The following SLC15A5 variants were observed in gnomAD, a reference collection of about 807,000 sequenced individuals.
SLC15A5 encodes Peptide/histidine transporter ENSP00000340402.
A neutral mutation model predicts 56.1 loss-of-function variants in SLC15A5; 58 were observed. That is an observed-to-expected ratio of 1.03 (90% CI 0.84 to 1.29). SLC15A5 has a LOEUF of 1.29. Ranked by LOEUF, SLC15A5 falls within the 50% of genes most tolerant of loss-of-function variation. The pLI, the probability that SLC15A5 is intolerant of heterozygous loss-of-function variation, is 0.00. For synonymous variants in SLC15A5, 264 were observed against 250.5 expected (o/e 1.05, Z -0.51); for missense variants, 681 against 672.1 (o/e 1.01, Z -0.15).
chr12:16,216,014 A>G (rs1274148528), intron 7 of SLC15A5, among the ~76,000 whole-genome samples: 2 of 152,126 alleles, frequency 1.3e-5, no homozygotes, highest in Non-Finnish European at 2.9e-5. Context: ...ATAGAAGTTG[A>G]TTTTTTTCCA....
intron 7 of SLC15A5, among the ~76,000 whole-genome samples, chr12:16,200,082 C>T (rs1463089936): frequency 6.6e-6 from 1 of 151,596 alleles, no homozygotes; most frequent in Non-Finnish European, 1.5e-5. Flanking sequence ...CATGAGTAAA[C>T]AGAAAAAGGG....
intron 5 of SLC15A5, among the ~76,000 whole-genome samples, chr12:16,231,933 G>A (rs928107380): frequency 6.6e-6 from 1 of 152,194 alleles, no homozygotes; most frequent in African/African-American, 2.4e-5. Context: ...TAGCTGGGGG[G>A]AGATTCTCAT....
chr12:16,193,844 A>AGG, intron 8 of SLC15A5, among the ~76,000 whole-genome samples: 1 of 120,310 alleles, frequency 8.3e-6, no homozygotes, highest in Non-Finnish European at 1.7e-5. Context: ...AGAGAGAGAG[A>AGG]GGCTGGCAAT....
In SLC15A5 at chr12:16,235,298, A is replaced by G. The variant is rs1033389193; in HGVS notation, c.1162+4383T>C. Among the ~76,000 whole-genome samples, 60 of 148,594 alleles carry G rather than the reference A, an allele frequency of 4.0e-4. No individual in the cohort carries two copies. Among genetic ancestry groups the G allele is most frequent in the African/African-American group, 1.4e-3 (59 of 40,760 alleles). ...TATATATATGTATATATGTATATGT[A>G]TATGTATATATATGTATATATGTAT... On this transcript the variant is annotated intron_variant, in intron 5 of 8. Coordinates refer to ENST00000344941, the MANE Select transcript of SLC15A5 (RefSeq NM_001170798.1). The surrounding 1 kb of genome is among the most constrained non-coding windows in gnomAD (Gnocchi z 4.1).
rs188463159 is a variant in SLC15A5, at chr12:16,265,148, C to T, written c.585-7278G>A. Among the ~76,000 whole-genome samples, 38 of 152,248 alleles carry T rather than the reference C, an allele frequency of 2.5e-4. No individual in the cohort carries two copies. In the South Asian group the frequency reaches 6.8e-3, roughly 27 times the overall value. On this transcript the variant is annotated intron_variant, in intron 2 of 8. Coordinates refer to ENST00000344941, the MANE Select transcript of SLC15A5 (RefSeq NM_001170798.1). ...ATTATTGTGTCAGCTTCATGAATTG[C>T]AGATGCGGCAAGGTAGGGAGAAAAT... is the stretch of plus-strand genomic sequence containing the variant.
chr12:16,242,493 T>C (rs1864422890), intron 4 of SLC15A5, among the ~76,000 whole-genome samples: 1 of 152,196 alleles, frequency 6.6e-6, no homozygotes, highest in African/African-American at 2.4e-5. Flanking sequence ...TGCAACTTAG[T>C]TTCTGAGCCT....
At chr12:16,215,202 C>CAAAA (rs33944569) in intron 7 of SLC15A5, among the ~76,000 whole-genome samples, 2 of 12,030 alleles carry the variant, frequency 1.7e-4, no homozygotes, top group Admixed American at 1.5e-3. Context: ...GACTCTTTCT[C>CAAAA]AAAAAAAAAA....
chr12:16,272,442 A>G, intron 2 of SLC15A5, 119 bp downstream of exon 2: 1 of 907,026 alleles, frequency 1.1e-6, no homozygotes, highest in Non-Finnish European at 1.7e-6. Context: ...CAGATTCATC[A>G]CATCATCACT....
At chr12:16,218,140 T>C (rs530176781) in intron 6 of SLC15A5, among the ~76,000 whole-genome samples, 1 of 152,088 alleles carries the variant, frequency 6.6e-6, no homozygotes, top group South Asian at 2.1e-4. Flanking sequence ...ATGAAACAAG[T>C]TTTGGCTATG....
chr12:16,223,464 C>G (rs2417549), intron 6 of SLC15A5, among the ~76,000 whole-genome samples: 2 of 151,922 alleles, frequency 1.3e-5, no homozygotes, highest in Non-Finnish European at 2.9e-5. Flanking sequence ...TTGCAAGAAG[C>G]CACTGAAATA....
Position 16,239,876 on chromosome 12 carries a change from G to T in SLC15A5, c.976-9C>A. The T allele has an allele frequency of 6.5e-7, 1 of 1,534,768 alleles. No individual in the cohort carries two copies. Among genetic ancestry groups the T allele is most frequent in the African/African-American group, 1.4e-5 (1 of 73,084 alleles). On this transcript the variant is annotated splice_polypyrimidine_tract_variant and intron_variant, in intron 4 of 8. Coordinates refer to ENST00000344941, the MANE Select transcript of SLC15A5 (RefSeq NM_001170798.1). ...TAATATCCTGAAGGAATCTGTATTC[G>T]AGAGGGAAACATCCATGCATTAAGA...
intron 1 of SLC15A5, among the ~76,000 whole-genome samples, chr12:16,275,621 G>A (rs1003575502): frequency 6.6e-6 from 1 of 151,952 alleles, no homozygotes; most frequent in African/African-American, 2.4e-5. Context: ...TATAACCTCT[G>A]AAATTTAGTG....
Position 16,235,547 on chromosome 12 carries a change from G to A in SLC15A5, c.1162+4134C>T, listed in dbSNP as rs1434373929. ...CTCACCTCTGATTTAATTCCAACTTGATGTTACATTTAAGAATTGAGAATA... is the reference window on the plus strand; with the variant it reads ...CTCACCTCTGATTTAATTCCAACTTAATGTTACATTTAAGAATTGAGAATA... On this transcript the variant is annotated intron_variant, in intron 5 of 8. Transcript: ENST00000344941. This position sits in a 1 kb window ranked among gnomAD's most constrained non-coding sequence, Gnocchi z 4.1. Among the ~76,000 whole-genome samples, 1 of 151,902 alleles carries A rather than the reference G, an allele frequency of 6.6e-6. No individual in the cohort carries two copies. Among genetic ancestry groups the A allele is most frequent in the Non-Finnish European group, 1.5e-5 (1 of 67,914 alleles).
chr12:16,253,920 A>T (rs1252434915), intron 3 of SLC15A5, among the ~76,000 whole-genome samples: 2 of 152,130 alleles, frequency 1.3e-5, no homozygotes, highest in African/African-American at 4.8e-5. Flanking sequence ...TGATTCAGCA[A>T]TCCCACTTCT....
chr12:16,193,780 GGAGAGAGAGAGAGAGAGA>G lies in SLC15A5; in HGVS notation c.1592+547_1592+564del, dbSNP rs766458422. 4.2e-3 allele frequency among the ~76,000 whole-genome samples: 320 copies of G among 75,756 alleles called. 19 individuals are homozygous for G. The highest frequency in any genetic ancestry group is 0.011 in the African/African-American group (213 of 19,552). The allele number at this position is 75,756 out of a possible 152,430, so 49.7% of individuals were successfully genotyped here. On this transcript the variant is annotated intron_variant, in intron 8 of 8. Coordinates refer to ENST00000344941, the MANE Select transcript of SLC15A5 (RefSeq NM_001170798.1). ...ACAGCTGTCCAAGAATATGTCAAGG[GGAGAGAGAGAGAGAGAGA>G]GAGAGAGAGAGAGAGAGAGAGAGAG...
intron 5 of SLC15A5, among the ~76,000 whole-genome samples, chr12:16,226,298 C>T (rs1325565501): frequency 6.6e-6 from 1 of 152,100 alleles, no homozygotes; most frequent in African/African-American, 2.4e-5. Flanking sequence ...ATGTTCAATA[C>T]AGATGCAACC....
At chr12:16,250,322 G>A (rs1168265828) in intron 3 of SLC15A5, among the ~76,000 whole-genome samples, 1 of 152,002 alleles carries the variant, frequency 6.6e-6, no homozygotes, top group African/African-American at 2.4e-5. Flanking sequence ...GATGTGTTCA[G>A]AGTGCTACAG....
Position 16,257,756 on chromosome 12 carries a change from C to T in SLC15A5, c.699G>A (p.Met233Ile), listed in dbSNP as rs1864591792. ...ATATCATATGAAGAGTTATCACAGC[C>T]ATAAGCATAGACATAAAAGGAATAA... ...VLLIPFMSML[M>I]AVITLHMIYY... is the part of the protein sequence containing the mutation. Residue 233 changes from methionine (M) to isoleucine (I), a missense_variant, in exon 3 of 9, where the codon ATG (methionine) becomes ATA (isoleucine). By Grantham distance (10) the Met-to-Ile change is conservative. Transcript: ENST00000344941. 2.6e-6 allele frequency: 4 copies of T among 1,529,272 alleles called. No homozygotes were observed. The highest frequency in any genetic ancestry group is 4.9e-5 in the East Asian group (2 of 40,512). 94.7% of individuals were successfully genotyped at this position (1,529,272 alleles called of 1,614,324 possible). A position where few individuals can be genotyped will look rare whatever the true frequency, so the allele number is the denominator to read the frequency against.
intron 4 of SLC15A5, 101 bp from the exon 5 acceptor site, chr12:16,239,968 G>T: frequency 9.7e-7 from 1 of 1,027,686 alleles, no homozygotes; most frequent in Non-Finnish European, 1.4e-6. Flanking sequence ...ACTCTGTGAT[G>T]GATGAGCTGG....
Sources: gnomAD v4.1 joint callset for allele counts (sites outside exome capture counted in the v4.1 genomes callset) on GRCh38, gnomAD v4.1.1 for gene constraint, Gnocchi (gnomAD v3.1) non-coding constraint, MANE v1.5 for transcripts, NCBI Gene and HGNC (gene_info 2026-07-23, HGNC 2026-07-21) for gene names.